The following ATP8B3 variants were observed in gnomAD, a reference collection of about 807,000 sequenced individuals.
ATP8B3 encodes phospholipid-transporting ATPase IK.
ATP8B3 carries 141 observed loss-of-function variants against 140.9 expected under a neutral mutation model. The observed-to-expected ratio is 1.00, with a 90% CI of 0.87 to 1.15. The LOEUF (loss-of-function observed/expected upper bound fraction) is 1.15, where lower values mean the gene tolerates loss of function less well. Among genes scored for constraint, ATP8B3 ranks in the 50% most tolerant of loss-of-function variants. The pLI, the probability that ATP8B3 is intolerant of heterozygous loss-of-function variation, is 0.00. For synonymous variants in ATP8B3, 765 were observed against 714.6 expected, an observed-to-expected ratio of 1.07 and a Z score of -1.13; for missense variants, 1,874 against 1,740.6, an observed-to-expected ratio of 1.08 and a Z score of -1.36.
intron 26 of ATP8B3, 85 bp from the exon 27 acceptor site, chr19:1,785,382 G>A: frequency 4.5e-6 from 7 of 1,556,502 alleles, no homozygotes; most frequent in Non-Finnish European, 6.1e-6. Context: ...AAGGGCACCT[G>A]GCAATGCCCC....
In ATP8B3 at chr19:1,789,443, C is replaced by G. The variant is rs766444534; in HGVS notation, c.2763G>C (p.Leu921=). ...CCRVTPKQKA[L]IVALVKKYHQ... is the part of the protein sequence containing the mutation. ...GGTACTTCTTGACCAGGGCCACGAT[C>G]AGGGCCTTCTGCTTGGGCGTCACGC... The change falls in exon 23 of 29, where the codon CTG becomes CTC. Residue 921 remains leucine, a synonymous_variant. Coordinates refer to ENST00000310127, the MANE Select transcript of ATP8B3 (RefSeq NM_138813.4). 6.3e-7 allele frequency: 1 copy of G among 1,598,332 alleles called. No homozygotes were observed. Among genetic ancestry groups the G allele is most frequent in the Admixed American group, 1.7e-5 (1 of 59,804 alleles).
In ATP8B3 at chr19:1,800,514, G is replaced by C; in HGVS notation, c.1153-65C>G. On this transcript the variant is annotated intron_variant, in intron 12 of 28. Transcript: ENST00000310127. The surrounding 1 kb of genome is among the most constrained non-coding windows in gnomAD (Gnocchi z 4.4). ...GGTCCCCCACTCTGCCATCAGGATG[G>C]GGTAAACACAAAGATAAGGCTGGGG... 1 of 1,428,498 alleles carries C rather than the reference G, an allele frequency of 7.0e-7. No individual in the cohort carries two copies. The highest frequency in any genetic ancestry group is 1.2e-5 in the South Asian group (1 of 83,698). 88.5% of individuals were successfully genotyped at this position (1,428,498 alleles called of 1,614,324 possible).
chr19:1,785,647 T>C lies in ATP8B3; in HGVS notation c.3215A>G (p.Glu1072Gly), dbSNP rs748799223. ...GACGAAGACCCAGTAGTTGAAGAGC[T>C]CGTCCTTCTGCCCCACCACGTACAG... ...PELYVVGQKD[E>G]LFNYWVFVQA... is the part of the protein sequence containing the mutation. The change falls in exon 26 of 29, where the codon GAG becomes GGG. Residue 1072 changes from glutamate to glycine, a missense_variant. Physicochemically the swap from Glu to Gly is moderately conservative, Grantham distance 98. Coordinates refer to ENST00000310127, the MANE Select transcript of ATP8B3 (RefSeq NM_138813.4). The C allele has an allele frequency of 6.2e-7, 1 of 1,612,980 alleles. No individual in the cohort carries two copies. The highest frequency in any genetic ancestry group is 8.5e-7 in the Non-Finnish European group (1 of 1,179,778).
Position 1,792,071 on chromosome 19 carries a change from T to C in ATP8B3, c.2120A>G (p.Tyr707Cys), listed in dbSNP as rs1366085453. 1 of 1,566,924 alleles carries C rather than the reference T, an allele frequency of 6.4e-7. No homozygotes were observed. The highest frequency in any genetic ancestry group is 1.4e-5 in the African/African-American group (1 of 73,662). Residue 707 changes from tyrosine (Y) to cysteine (C), a missense_variant, in exon 19 of 29, where the codon TAC becomes TGC. By Grantham distance (194) the Tyr-to-Cys change is radical (BLOSUM62 -2). Coordinates refer to ENST00000310127, the MANE Select transcript of ATP8B3 (RefSeq NM_138813.4). The part of the protein sequence containing the change: ...LAYREVAEDI[Y>C]EDWQQRHQEA... Reference sequence around the variant, plus strand: ...CTGGTGGCGCTGCTGCCAGTCCTCGTAAATGTCCTCAGCCACCTCCCTGTA... The same window carrying C: ...CTGGTGGCGCTGCTGCCAGTCCTCGCAAATGTCCTCAGCCACCTCCCTGTA...
Position 1,791,778 on chromosome 19 carries a change from T to G in ATP8B3, c.2274A>C (p.Lys758Asn). ...GCTTGTCCCCGGTGAGCACCCATAT[T>G]TTGATGTTGCTCTTCTTGAGACATT... ...TIKCLKKSNI[K>N]IWVLTGDKQE... The change falls in exon 20 of 29, where the codon AAA becomes AAC. Residue 758 changes from lysine to asparagine, a missense_variant. Coordinates refer to ENST00000310127, the MANE Select transcript of ATP8B3 (RefSeq NM_138813.4). 1 of 1,611,710 alleles carries G rather than the reference T, an allele frequency of 6.2e-7. No homozygotes were observed. The highest frequency in any genetic ancestry group is 8.5e-7 in the Non-Finnish European group (1 of 1,179,704).
rs199939867 is a variant in ATP8B3 at position 1,787,232 on chromosome 19, A to T, written c.3070-46T>A. 854 of 1,517,488 alleles carry T rather than the reference A, an allele frequency of 5.6e-4. 2 individuals are homozygous for T. Among genetic ancestry groups the T allele is most frequent in the Non-Finnish European group, 7.0e-4 (777 of 1,108,000 alleles). The allele number at this position is 1,517,488 out of a possible 1,614,324, so 94.0% of individuals were successfully genotyped here. A position where few individuals can be genotyped will look rare whatever the true frequency, so the allele number is the denominator to read the frequency against. Reference sequence around the variant, plus strand: ...AAGGAGAACAAGTCAGCCTCCAGGCACCCAAGGAGCCTGCCAAGCAGGCAC... The same window carrying T: ...AAGGAGAACAAGTCAGCCTCCAGGCTCCCAAGGAGCCTGCCAAGCAGGCAC... On this transcript the variant is annotated intron_variant, in intron 24 of 28. Coordinates refer to ENST00000310127, the MANE Select transcript of ATP8B3 (RefSeq NM_138813.4).
Position 1,810,041 on chromosome 19 carries a change from G to A in ATP8B3, c.311-307C>T, listed in dbSNP as rs569530147. 1.1e-4 allele frequency among the ~76,000 whole-genome samples: 16 copies of A among 152,344 alleles called. No homozygotes were observed. The East Asian group carries it at 2.9e-3, about 28-fold the overall frequency. Reference sequence around the variant, plus strand: ...CAGGCCTGTACATTTTACAGAGGGGGGTAAACTGAGGCTTGGTGATGGGCT... The same window carrying A: ...CAGGCCTGTACATTTTACAGAGGGGAGTAAACTGAGGCTTGGTGATGGGCT... On this transcript the variant is annotated intron_variant, in intron 3 of 28. Coordinates refer to ENST00000310127, the MANE Select transcript of ATP8B3 (RefSeq NM_138813.4).
At position 1,806,196 on chromosome 19, in the gene ATP8B3, G is replaced by A. The variant is rs1209743386; in HGVS notation, c.678-27C>T. 6.4e-6 allele frequency: 10 copies of A among 1,566,182 alleles called. No homozygotes were observed. The highest frequency in any genetic ancestry group is 7.8e-6 in the Non-Finnish European group (9 of 1,156,854). ...TGCGGGGAGAGGGGGTTGTGAAGGA[G>A]GCCCCTCCCTCTGCCAACCCTCCCC... On this transcript the variant is annotated intron_variant, in intron 7 of 28. Coordinates refer to ENST00000310127, the MANE Select transcript of ATP8B3 (RefSeq NM_138813.4). The surrounding 1 kb of genome is among the most constrained non-coding windows in gnomAD (Gnocchi z 5.6).
In ATP8B3 at chr19:1,785,267, G is replaced by T. The variant is rs2145168792; in HGVS notation, c.3424C>A (p.Leu1142Met). Residue 1142 changes from leucine to methionine, a missense_variant, in exon 27 of 29, where the codon CTG becomes ATG. Leu to Met is a conservative substitution (Grantham distance 15). Coordinates refer to ENST00000310127, the MANE Select transcript of ATP8B3 (RefSeq NM_138813.4). ...CTGAGGAGGATGGTCGCCACGCACA[G>T]GGCGGTCCAGTACTTGATGATAAGA... ...VILIIKYWTALCVATILLSLG... is the reference protein window; with the variant it reads ...VILIIKYWTAMCVATILLSLG... 1 of 1,608,972 alleles carries T rather than the reference G, an allele frequency of 6.2e-7. No homozygotes were observed.
chr19:1,791,772 C>G lies in ATP8B3; in HGVS notation c.2280G>C (p.Trp760Cys), dbSNP rs1265867876. ...KCLKKSNIKIWVLTGDKQETA... is the reference protein window; with the variant it reads ...KCLKKSNIKICVLTGDKQETA... ...CACCCTGCTTGTCCCCGGTGAGCAC[C>G]CATATTTTGATGTTGCTCTTCTTGA... Residue 760 changes from tryptophan (W) to cysteine (C), a missense_variant, in exon 20 of 29, where the codon TGG (tryptophan) becomes TGC (cysteine). By Grantham distance (215) the Trp-to-Cys change is radical (BLOSUM62 -2). Transcript: ENST00000310127. The G allele has an allele frequency of 6.2e-6, 10 of 1,611,596 alleles. No individual in the cohort carries two copies. The highest frequency in any genetic ancestry group is 8.5e-6 in the Non-Finnish European group (10 of 1,179,750).
rs754359377 is a variant in ATP8B3 at position 1,784,946 on chromosome 19, T to C, written c.3533A>G (p.Tyr1178Cys). ...AGAGGACATCACGCTGAGGTCGGCA[T>C]CTGGGGACAGGGCGGGGTCACAGCA... The part of the protein sequence containing the change: ...RVSPTTFPFL[Y>C]ADLSVMSSPS... The change falls in exon 28 of 29, where the codon TAT becomes TGT. Residue 1178 changes from tyrosine (Y) to cysteine (C), a missense_variant and splice_region_variant. By Grantham distance (194) the Tyr-to-Cys change is radical (BLOSUM62 -2). Coordinates refer to ENST00000310127, the MANE Select transcript of ATP8B3 (RefSeq NM_138813.4). The C allele has an allele frequency of 1.9e-6, 3 of 1,606,840 alleles. No individual in the cohort carries two copies. Among genetic ancestry groups the C allele is most frequent in the Admixed American group, 1.7e-5 (1 of 59,678 alleles).
chr19:1,806,185 G>A lies in ATP8B3; in HGVS notation c.678-16C>T, dbSNP rs373082352. The A allele has an allele frequency of 5.5e-5, 87 of 1,576,290 alleles. No individual in the cohort carries two copies. The highest frequency in any genetic ancestry group is 3.4e-5 in the Non-Finnish European group (39 of 1,162,014). On this transcript the variant is annotated splice_polypyrimidine_tract_variant and intron_variant, in intron 7 of 28. Coordinates refer to ENST00000310127, the MANE Select transcript of ATP8B3 (RefSeq NM_138813.4). The surrounding 1 kb of genome is among the most constrained non-coding windows in gnomAD (Gnocchi z 5.6). ...CTGCTTGAAGCTGCGGGGAGAGGGG[G>A]TTGTGAAGGAGGCCCCTCCCTCTGC...
In ATP8B3 at chr19:1,782,443, G is replaced by A. The variant is rs1219194423; in HGVS notation, c.*585C>T. On this transcript the variant is annotated 3_prime_UTR_variant, in exon 29 of 29. Coordinates refer to ENST00000310127, the MANE Select transcript of ATP8B3 (RefSeq NM_138813.4). ...ACAGCTCCACCTCCATAGGCTGCTC[G>A]CTCGTGGACGTGGACGATTCTTCCA... The A allele has an allele frequency of 4.8e-5, 10 of 209,678 alleles. No individual in the cohort carries two copies. Among genetic ancestry groups the A allele is most frequent in the South Asian group, 3.1e-4 (2 of 6,486 alleles). The allele number at this position is 209,678 out of a possible 1,614,324, so 13.0% of individuals were successfully genotyped here.
Position 1,783,212 on chromosome 19 carries a change from T to C in ATP8B3, c.3719A>G (p.His1240Arg). The C allele has an allele frequency of 6.2e-7, 1 of 1,612,444 alleles. No individual in the cohort carries two copies. The highest frequency in any genetic ancestry group is 8.5e-7 in the Non-Finnish European group (1 of 1,179,302). Residue 1240 changes from histidine (H) to arginine (R), a missense_variant, in exon 29 of 29, where the codon CAT (histidine) becomes CGT (arginine). By Grantham distance (29) the His-to-Arg change is conservative. Transcript: ENST00000310127. ...GCGGGCACGAGACTCCCGGTGTACA[T>C]GAGGCAAGGGCTCCATGGTGAAAAT... Reference protein sequence around the residue: ...EEIFTMEPLPHVHRESRARRS... With the variant: ...EEIFTMEPLPRVHRESRARRS...
chr19:1,789,714 A>G lies in ATP8B3; in HGVS notation c.2492T>C (p.Val831Ala). Residue 831 changes from valine to alanine, a missense_variant, in exon 23 of 29, where the codon GTG becomes GCG. Val to Ala is a moderately conservative substitution (Grantham distance 64). Around this residue, in one of 3 missense-constraint regions of ATP8B3, gnomAD observed 840 missense variants for 760.9 expected, o/e 1.10. Coordinates refer to ENST00000310127, the MANE Select transcript of ATP8B3 (RefSeq NM_138813.4). Reference protein sequence around the residue: ...INGDFLDKLLVSLRKEPRALA... With the variant: ...INGDFLDKLLASLRKEPRALA... ...GGCGCGCGGCTCCTTCCGCAGGGAC[A>G]CCAGCAGTTTGTCCTGGCCGGCGGG... The G allele has an allele frequency of 1.3e-6, 2 of 1,575,386 alleles. No individual in the cohort carries two copies. The highest frequency in any genetic ancestry group is 1.2e-5 in the South Asian group (1 of 85,868).
rs750247642 is a variant in ATP8B3, at chr19:1,796,787, C to T, written c.1677G>A (p.Glu559=). 3.1e-6 allele frequency: 5 copies of T among 1,612,382 alleles called. No homozygotes were observed. Among genetic ancestry groups the T allele is most frequent in the African/African-American group, 1.3e-5 (1 of 74,928 alleles). Residue 559 remains glutamate (E), a synonymous_variant, in exon 16 of 29, where the codon GAG becomes GAA. Coordinates refer to ENST00000310127, the MANE Select transcript of ATP8B3 (RefSeq NM_138813.4). ...GCAGGCGCCAGAACTCCCGCACGGC[C>T]TCGTCCCCGTTGGTCCGCACGAGGT... ...LLHLVRTNGD[E]AVREFWRLLA... is the part of the protein sequence containing the mutation.
In ATP8B3 at chr19:1,805,590, A is replaced by G; in HGVS notation, c.822-134T>C. On this transcript the variant is annotated intron_variant, in intron 9 of 28. Transcript: ENST00000310127. This position sits in a 1 kb window ranked among gnomAD's most constrained non-coding sequence, Gnocchi z 5.2. ...TCGCCAGCTGCCAGTCAGATGGCTG[A>G]GGCCCAGAGAGGGAGAAGGCCTTGC... The G allele has an allele frequency of 1.2e-6, 1 of 842,932 alleles. No homozygotes were observed. The allele number at this position is 842,932 out of a possible 1,614,324, so 52.2% of individuals were successfully genotyped here.
At chr19:1,788,849 G>C (rs749404072) in intron 24 of ATP8B3, 48 bp downstream of exon 24, 1 of 1,502,744 alleles carries the variant, frequency 6.7e-7, no homozygotes, top group Non-Finnish European at 9.0e-7. Flanking sequence ...GAGGGGCAGG[G>C]CATCCCCAGA....
At position 1,796,035 on chromosome 19, in the gene ATP8B3, G is replaced by A. The variant is rs1287289829; in HGVS notation, c.1942+42C>T. 5 of 1,611,180 alleles carry A rather than the reference G, an allele frequency of 3.1e-6. No individual in the cohort carries two copies. In the Admixed American group the frequency reaches 5.0e-5, roughly 16 times the overall value. ...GCCCACAGAGGCTCCCCGTCTGCCC[G>A]CCCCACCTTGGGGGGCCCAGGGCTT... is the stretch of plus-strand genomic sequence containing the variant. On this transcript the variant is annotated intron_variant, in intron 17 of 28. Coordinates refer to ENST00000310127, the MANE Select transcript of ATP8B3 (RefSeq NM_138813.4).
Sources: allele counts gnomAD v4.1 joint callset (sites outside exome capture counted in the v4.1 genomes callset), GRCh38; gene constraint gnomAD v4.1.1; regional missense constraint gnomAD v4.1.1; non-coding constraint Gnocchi (gnomAD v3.1); transcripts MANE v1.5; gene names NCBI Gene and HGNC (gene_info 2026-07-23, HGNC 2026-07-21).